NRXN1: variants seen among roughly 807,000 people sequenced by gnomAD.
NRXN1 encodes the protein neurexin 1.
In NRXN1, 39 loss-of-function variants were observed where a neutral mutation model predicts 150.9. That is an observed-to-expected ratio of 0.26 (90% CI 0.20 to 0.34). The LOEUF (loss-of-function observed/expected upper bound fraction) is 0.34. NRXN1 is among the 10% of genes least tolerant of loss of function. The pLI, the probability that NRXN1 is intolerant of heterozygous loss-of-function variation, is 1.00. For missense variants in NRXN1, 1,815 were observed against 1,949.9 expected (o/e 0.93, Z 1.30); for synonymous variants, 924 against 757.0 (o/e 1.22, Z -3.62).
intron 21 of NRXN1, among the ~76,000 whole-genome samples, chr2:49,972,034 G>C (rs1027080747): frequency 5.3e-5 from 8 of 152,082 alleles, no homozygotes; most frequent in African/African-American, 1.7e-4. Flanking sequence ...CAACCCAAAA[G>C]ATTGCATTTA....
chr2:50,002,277 A>T (rs1020368806), intron 21 of NRXN1, among the ~76,000 whole-genome samples: 4 of 152,146 alleles, frequency 2.6e-5, no homozygotes, highest in African/African-American at 9.7e-5. Context: ...TTCCATATAG[A>T]ATTCAGAGAA....
intron 21 of NRXN1, among the ~76,000 whole-genome samples, chr2:49,970,827 C>A (rs1373557382): frequency 6.6e-6 from 1 of 151,838 alleles, no homozygotes; most frequent in Admixed American, 6.6e-5. Context: ...CCATTTTTTT[C>A]TATCTATTGG....
At chr2:50,225,057 T>C (rs967841883) in intron 18 of NRXN1, among the ~76,000 whole-genome samples, 3 of 151,938 alleles carry the variant, frequency 2.0e-5, no homozygotes, top group African/African-American at 7.2e-5. Flanking sequence ...GAAAAATGAA[T>C]CCATTTCATG....
chr2:50,748,821 A>G (rs1359433006), intron 5 of NRXN1, among the ~76,000 whole-genome samples: 1 of 152,078 alleles, frequency 6.6e-6, no homozygotes, highest in East Asian at 1.9e-4. Flanking sequence ...CAGATATACA[A>G]CTTTTCAATT....
chr2:50,768,456 G>A, intron 5 of NRXN1, among the ~76,000 whole-genome samples: 1 of 151,778 alleles, frequency 6.6e-6, no homozygotes, highest in Non-Finnish European at 1.5e-5. Context: ...CTACAGGTGT[G>A]CACCCTGATG....
intron 8 of NRXN1, among the ~76,000 whole-genome samples, chr2:50,553,430 G>T (rs1358137406): frequency 1.3e-5 from 2 of 152,126 alleles, no homozygotes; most frequent in Admixed American, 1.3e-4. Flanking sequence ...AGGTTATTCA[G>T]TTTTCCCATC....
At chr2:50,896,813 C>A (rs1479731154) in intron 5 of NRXN1, among the ~76,000 whole-genome samples, 2 of 151,828 alleles carry the variant, frequency 1.3e-5, no homozygotes, top group Non-Finnish European at 2.9e-5. Flanking sequence ...TGCCACTGCA[C>A]CCCAGCCTGG....
intron 8 of NRXN1, among the ~76,000 whole-genome samples, chr2:50,616,767 G>C (rs551970770): frequency 6.6e-6 from 1 of 152,184 alleles, no homozygotes; most frequent in East Asian, 1.9e-4. Flanking sequence ...TTCAGACAAG[G>C]TGTTATTAGA....
chr2:50,878,433 C>T (rs1203564481), intron 5 of NRXN1, among the ~76,000 whole-genome samples: 1 of 151,938 alleles, frequency 6.6e-6, no homozygotes, highest in Non-Finnish European at 1.5e-5. Context: ...GGCCCTCCTC[C>T]TCCACCTACA....
At chr2:50,643,060 A>G (rs1684291711) in intron 5 of NRXN1, among the ~76,000 whole-genome samples, 1 of 151,980 alleles carries the variant, frequency 6.6e-6, no homozygotes, top group African/African-American at 2.4e-5. Flanking sequence ...GAGAAATAAA[A>G]GCTCAAGATA....
At chr2:50,737,917 C>A (rs552830362) in intron 5 of NRXN1, among the ~76,000 whole-genome samples, 3 of 151,884 alleles carry the variant, frequency 2.0e-5, no homozygotes, top group South Asian at 2.1e-4. Flanking sequence ...TAATCACTGG[C>A]ACAAAAATTT....
At chr2:50,209,356 A>G (rs2062844779) in intron 18 of NRXN1, among the ~76,000 whole-genome samples, 1 of 152,148 alleles carries the variant, frequency 6.6e-6, no homozygotes, top group Non-Finnish European at 1.5e-5. Context: ...GTTACCATTT[A>G]TGCAATACTT....
At chr2:50,780,133 T>G (rs1019708865) in intron 5 of NRXN1, among the ~76,000 whole-genome samples, 1 of 152,226 alleles carries the variant, frequency 6.6e-6, no homozygotes, top group Admixed American at 6.5e-5. Flanking sequence ...GATTAGCTTT[T>G]TTTCATATGT....
At chr2:50,751,974 T>C (rs776934803) in intron 5 of NRXN1, among the ~76,000 whole-genome samples, 2 of 151,868 alleles carry the variant, frequency 1.3e-5, no homozygotes, top group African/African-American at 4.8e-5. Flanking sequence ...AGTTATTGGA[T>C]TGAGTAGCTA....
chr2:50,720,898 T>C (rs1696553248), intron 5 of NRXN1, among the ~76,000 whole-genome samples: 1 of 152,160 alleles, frequency 6.6e-6, no homozygotes, highest in African/African-American at 2.4e-5. Context: ...TTGTCACTCC[T>C]AGATGCAGTG....
At chr2:50,013,597 A>G (rs371008712) in intron 21 of NRXN1, among the ~76,000 whole-genome samples, 50 of 152,288 alleles carry the variant, frequency 3.3e-4, no homozygotes, top group Middle Eastern at 3.4e-3. Flanking sequence ...GAAGAGTCTT[A>G]TGGATGAAAT....
Position 50,552,769 on chromosome 2 carries a change from T to C in NRXN1, c.1577A>G (p.His526Arg). ...CTGTGGGTGCTTGGCATCTTTCTGA[T>C]GTCTTGGCTTGCCATGGCTAAATAA... ...LILFSHGKPRHQKDAKHPQMI... is the reference protein window; with the variant it reads ...LILFSHGKPRRQKDAKHPQMI... Residue 526 changes from histidine to arginine, a missense_variant, in exon 9 of 23, where the codon CAT (histidine) becomes CGT (arginine). Transcript: ENST00000401669. 6.2e-7 allele frequency: 1 copy of C among 1,613,994 alleles called. No homozygotes were observed. Among genetic ancestry groups the C allele is most frequent in the East Asian group, 2.2e-5 (1 of 44,874 alleles).
intron 8 of NRXN1, among the ~76,000 whole-genome samples, chr2:50,563,032 G>A (rs1336113604): frequency 6.6e-6 from 1 of 151,896 alleles, no homozygotes; most frequent in Non-Finnish European, 1.5e-5. Context: ...ATTACCAAAA[G>A]ATATAATCAG....
intron 5 of NRXN1, among the ~76,000 whole-genome samples, chr2:50,819,558 G>C (rs1239133718): frequency 2.0e-5 from 3 of 151,864 alleles, no homozygotes; most frequent in East Asian, 3.9e-4. Context: ...CTGTTCAATG[G>C]GTAGAGAGTT....
Sources: gnomAD v4.1 joint callset for allele counts (sites outside exome capture counted in the v4.1 genomes callset) on GRCh38, gnomAD v4.1.1 for gene constraint, MANE v1.5 for transcripts, NCBI Gene and HGNC (gene_info 2026-07-23, HGNC 2026-07-21) for gene names.